The following CNTN4 variants were observed in gnomAD, a reference collection of about 807,000 sequenced individuals.
CNTN4 encodes the protein contactin 4.
Under a neutral mutation model 122.5 loss-of-function variants are expected in CNTN4, and 77 were observed. The ratio of observed to expected loss-of-function variants is 0.63; its 90% CI spans 0.52 to 0.76. The LOEUF (loss-of-function observed/expected upper bound fraction) is 0.76, where lower values mean the gene tolerates loss of function less well. Among genes scored for constraint, CNTN4 ranks in the 30% least tolerant of loss-of-function variants. The pLI is 0.00. For synonymous variants in CNTN4, 512 were observed against 447.0 expected, an observed-to-expected ratio of 1.15 and a Z score of -1.83; for missense variants, 1,256 against 1,259.1, an observed-to-expected ratio of 1.00 and a Z score of 0.04.
chr3:2,825,721 G>T, intron 7 of CNTN4, among the ~76,000 whole-genome samples: 1 of 152,040 alleles, frequency 6.6e-6, no homozygotes, highest in Non-Finnish European at 1.5e-5. Flanking sequence ...CCCAGAAGTA[G>T]CATTTTCTAT....
chr3:2,778,779 C>G (rs2091451083), intron 6 of CNTN4, among the ~76,000 whole-genome samples: 1 of 152,088 alleles, frequency 6.6e-6, no homozygotes, highest in African/African-American at 2.4e-5. Flanking sequence ...TAATAGCTGA[C>G]TTTTAATGAG....
chr3:2,294,067 C>T (rs1452933955), intron 2 of CNTN4, among the ~76,000 whole-genome samples: 1 of 152,136 alleles, frequency 6.6e-6, no homozygotes, highest in Non-Finnish European at 1.5e-5. Context: ...GCCAGCTTTC[C>T]CTAGCTTGTT....
At chr3:2,208,121 G>T (rs1257239428) in intron 2 of CNTN4, among the ~76,000 whole-genome samples, 2 of 152,050 alleles carry the variant, frequency 1.3e-5, no homozygotes, top group Non-Finnish European at 2.9e-5. Flanking sequence ...ACTTCATAAG[G>T]CTATCAGTAC....
At chr3:2,582,090 C>G (rs78298802) in intron 4 of CNTN4, among the ~76,000 whole-genome samples, 1 of 152,144 alleles carries the variant, frequency 6.6e-6, no homozygotes, top group African/African-American at 2.4e-5. Flanking sequence ...CACTCAACCT[C>G]GTGAGTACAC....
chr3:2,739,193 T>A (rs1196544975), intron 5 of CNTN4, among the ~76,000 whole-genome samples: 1 of 152,048 alleles, frequency 6.6e-6, no homozygotes, highest in Non-Finnish European at 1.5e-5. Flanking sequence ...AACGACATAC[T>A]CTTTCAAAAC....
At chr3:2,627,490 CTTTTTTTTTTT>C (rs869106549) in intron 4 of CNTN4, among the ~76,000 whole-genome samples, 5 of 116,224 alleles carry the variant, frequency 4.3e-5, no homozygotes, top group African/African-American at 1.6e-4. Flanking sequence ...CATTAAGTGT[CTTTTTTTTTTT>C]TTTTTTTTTT....
intron 6 of CNTN4, among the ~76,000 whole-genome samples, chr3:2,806,860 T>C (rs2092479408): frequency 6.6e-6 from 1 of 152,158 alleles, no homozygotes; most frequent in African/African-American, 2.4e-5. Context: ...CTCCCACACT[T>C]AGAAGTAGGA....
intron 6 of CNTN4, among the ~76,000 whole-genome samples, chr3:2,766,833 T>C (rs1485265996): frequency 6.6e-6 from 1 of 152,220 alleles, no homozygotes; most frequent in Non-Finnish European, 1.5e-5. Context: ...ATGTCTCTTT[T>C]ATATTGAGAA....
intron 20 of CNTN4, among the ~76,000 whole-genome samples, chr3:3,042,007 T>A (rs1700205865): frequency 6.6e-6 from 1 of 152,268 alleles, no homozygotes; most frequent in African/African-American, 2.4e-5. Context: ...CAATAACATT[T>A]GTGAGATGCT....
intron 16 of CNTN4, among the ~76,000 whole-genome samples, chr3:3,032,018 G>A (rs530383419): frequency 2.7e-4 from 41 of 152,238 alleles, no homozygotes; most frequent in African/African-American, 9.9e-4. Context: ...GAAATGTGTG[G>A]GAGTTACCAA....
chr3:2,661,886 C>T (rs1419739365), intron 4 of CNTN4, among the ~76,000 whole-genome samples: 4 of 151,550 alleles, frequency 2.6e-5, no homozygotes, highest in African/African-American at 7.3e-5. Flanking sequence ...TAAGAATACC[C>T]GTAATAAATG....
At chr3:2,678,083 G>T (rs2600279) in intron 4 of CNTN4, among the ~76,000 whole-genome samples, 9 of 151,908 alleles carry the variant, frequency 5.9e-5, no homozygotes, top group Admixed American at 4.6e-4. Flanking sequence ...AGGAAAAAAA[G>T]GGGGTACATT....
chr3:2,217,368 T>TG (rs1280008383), intron 2 of CNTN4, among the ~76,000 whole-genome samples: 3 of 152,208 alleles, frequency 2.0e-5, no homozygotes, highest in African/African-American at 7.2e-5. Flanking sequence ...TGAGTTAATC[T>TG]TGTTCCTCTA....
Position 2,759,632 on chromosome 3 carries a change from T to C in CNTN4, c.358+13935T>C, listed in dbSNP as rs558774524. On this transcript the variant is annotated intron_variant, in intron 6 of 24. Coordinates refer to ENST00000418658, the MANE Select transcript of CNTN4 (RefSeq NM_175607.3). The stretch of plus-strand genomic sequence containing the variant: ...CACATGTATTTTCATTTCTCTTGGG[T>C]ATATTCCTAGGAGTGGAGTAGCTAG... Among the ~76,000 whole-genome samples the C allele has an allele frequency of 2.6e-5, 4 of 152,062 alleles. No homozygotes were observed. The East Asian group carries it at 7.7e-4, about 29-fold the overall frequency.
chr3:3,055,742 A>G (rs1701725337), intron 24 of CNTN4, among the ~76,000 whole-genome samples: 1 of 152,296 alleles, frequency 6.6e-6, no homozygotes, highest in Admixed American at 6.5e-5. Flanking sequence ...AGTTTTTGCA[A>G]GATTTAAGTG....
At chr3:2,864,878 CTT>C (rs55992224) in intron 7 of CNTN4, among the ~76,000 whole-genome samples, 103,904 of 151,524 alleles carry the variant, frequency 0.69, 35,751 homozygotes, top group East Asian at 0.79. Context: ...TTAAAACTCT[CTT>C]ATAAATAATT....
chr3:3,005,222 C>T (rs76965963), intron 14 of CNTN4, among the ~76,000 whole-genome samples: 7,591 of 152,268 alleles, frequency 0.05, 593 homozygotes, highest in African/African-American at 0.17. Flanking sequence ...TTGGCCACAT[C>T]CTTTGTATTC....
intron 3 of CNTN4, among the ~76,000 whole-genome samples, chr3:2,349,025 A>G (rs970104497): frequency 6.6e-6 from 1 of 152,210 alleles, no homozygotes; most frequent in African/African-American, 2.4e-5. Flanking sequence ...CTTTGTCCTC[A>G]GTACTATAAT....
chr3:2,125,568 T>C (rs2034093909), intron 2 of CNTN4, among the ~76,000 whole-genome samples: 1 of 150,248 alleles, frequency 6.7e-6, no homozygotes, highest in African/African-American at 2.4e-5. Flanking sequence ...TTTTCTTTTT[T>C]TTTTTTTTTG....
Sources: allele counts gnomAD v4.1 joint callset (sites outside exome capture counted in the v4.1 genomes callset), GRCh38; gene constraint gnomAD v4.1.1; transcripts MANE v1.5; gene names NCBI Gene and HGNC (gene_info 2026-07-23, HGNC 2026-07-21).